The following PLCL1 variants were observed in gnomAD, a reference collection of about 807,000 sequenced individuals.
PLCL1 encodes the protein phospholipase C like 1 (inactive), also known as inactive phospholipase C-like protein 1.
In PLCL1, 41 loss-of-function variants were observed where a neutral mutation model predicts 84.4. That is an observed-to-expected ratio of 0.49 (90% CI 0.38 to 0.63). The LOEUF (loss-of-function observed/expected upper bound fraction) is 0.63. Ranked by LOEUF, PLCL1 falls within the 30% of genes least tolerant of loss-of-function variation. The pLI is 0.00. For synonymous variants in PLCL1, 490 were observed against 488.3 expected, an observed-to-expected ratio of 1.00 and a Z score of -0.05; for missense variants, 1,206 against 1,367.8, an observed-to-expected ratio of 0.88 and a Z score of 1.87.
chr2:197,911,879 G>A (rs1368164955), intron 1 of PLCL1, among the ~76,000 whole-genome samples: 1 of 152,194 alleles, frequency 6.6e-6, no homozygotes, highest in South Asian at 2.1e-4. Flanking sequence ...AAACATTCCC[G>A]ACCCCCTGGA....
chr2:197,921,351 T>C (rs1329575662), intron 1 of PLCL1, among the ~76,000 whole-genome samples: 1 of 152,128 alleles, frequency 6.6e-6, no homozygotes, highest in Non-Finnish European at 1.5e-5. Context: ...ACCTATGAAA[T>C]AGGAAAACAA....
chr2:197,961,055 A>G (rs1320324735), intron 1 of PLCL1, among the ~76,000 whole-genome samples: 4 of 152,066 alleles, frequency 2.6e-5, no homozygotes, highest in Admixed American at 2.0e-4. Context: ...AATAATCTCA[A>G]TCAATAATGG....
At chr2:198,045,573 A>G (rs186390754) in intron 1 of PLCL1, among the ~76,000 whole-genome samples, 132 of 152,286 alleles carry the variant, frequency 8.7e-4, no homozygotes, top group African/African-American at 3.0e-3. Flanking sequence ...AAAAGAAATA[A>G]TTGTTTTGCA....
intron 1 of PLCL1, among the ~76,000 whole-genome samples, chr2:197,951,144 G>A (rs1282878414): frequency 6.6e-6 from 1 of 152,136 alleles, no homozygotes; most frequent in African/African-American, 2.4e-5. Flanking sequence ...CCATGATTAA[G>A]TTTGGTGGAG....
intron 1 of PLCL1, among the ~76,000 whole-genome samples, chr2:197,888,856 A>C (rs966489186): frequency 2.0e-5 from 3 of 152,188 alleles, no homozygotes; most frequent in Non-Finnish European, 2.9e-5. Context: ...ATTAGAAATA[A>C]AAGATATGAT....
chr2:197,843,118 T>C (rs1687043979), intron 1 of PLCL1, among the ~76,000 whole-genome samples: 1 of 152,202 alleles, frequency 6.6e-6, no homozygotes, highest in Admixed American at 6.5e-5. Flanking sequence ...ATAGATTTCA[T>C]CTTATATGAC....
At chr2:197,928,020 G>T (rs1688865702) in intron 1 of PLCL1, among the ~76,000 whole-genome samples, 1 of 143,688 alleles carries the variant, frequency 7.0e-6, no homozygotes, top group East Asian at 2.3e-4. Context: ...ATTTTTAAAT[G>T]AAGTTTGATG....
intron 1 of PLCL1, among the ~76,000 whole-genome samples, chr2:198,057,272 C>A (rs530843053): frequency 6.6e-6 from 1 of 152,022 alleles, no homozygotes; most frequent in African/African-American, 2.4e-5. Context: ...GTCTGGGGAA[C>A]GAGGCATCCT....
At chr2:198,004,222 T>C (rs1458567744) in intron 1 of PLCL1, among the ~76,000 whole-genome samples, 2 of 152,166 alleles carry the variant, frequency 1.3e-5, no homozygotes, top group East Asian at 1.9e-4. Flanking sequence ...GGAAACTCAA[T>C]AGATCTTAAA....
intron 1 of PLCL1, among the ~76,000 whole-genome samples, chr2:197,895,777 C>T (rs1410149328): frequency 6.6e-6 from 1 of 151,816 alleles, no homozygotes; most frequent in Non-Finnish European, 1.5e-5. Flanking sequence ...TGAGAATCAA[C>T]ATTAACATGT....
intron 1 of PLCL1, among the ~76,000 whole-genome samples, chr2:197,998,009 C>T (rs950108526): frequency 3.9e-5 from 6 of 152,010 alleles, no homozygotes; most frequent in Non-Finnish European, 7.4e-5. Flanking sequence ...GCCAAGGGCT[C>T]AGAATTTGAT....
At chr2:197,882,980 G>A (rs1196546535) in intron 1 of PLCL1, among the ~76,000 whole-genome samples, 4 of 152,102 alleles carry the variant, frequency 2.6e-5, no homozygotes, top group African/African-American at 9.7e-5. Flanking sequence ...TTTACATCAG[G>A]TTCAAAAACA....
chr2:198,047,409 C>T (rs528362090), intron 1 of PLCL1, among the ~76,000 whole-genome samples: 22 of 152,104 alleles, frequency 1.4e-4, no homozygotes, highest in Non-Finnish European at 2.5e-4. Flanking sequence ...ATCTCAATCT[C>T]TTGATCTTGT....
At chr2:197,943,159 T>G (rs1689194878) in intron 1 of PLCL1, among the ~76,000 whole-genome samples, 1 of 141,528 alleles carries the variant, frequency 7.1e-6, no homozygotes, top group African/African-American at 2.7e-5. Flanking sequence ...ATTGTGCCAC[T>G]GCGCTCTAGT....
At chr2:198,133,525 A>G (rs1297531412) in intron 5 of PLCL1, among the ~76,000 whole-genome samples, 1 of 150,084 alleles carries the variant, frequency 6.7e-6, no homozygotes, top group Non-Finnish European at 1.5e-5. Context: ...TTAAAGTATA[A>G]TAAAAAAAAA....
chr2:197,921,421 T>G (rs1220763203), intron 1 of PLCL1, among the ~76,000 whole-genome samples: 1 of 152,192 alleles, frequency 6.6e-6, no homozygotes, highest in East Asian at 1.9e-4. Flanking sequence ...AAATTACTGG[T>G]TGTGGTAAGA....
At chr2:197,896,508 A>G (rs904530519) in intron 1 of PLCL1, among the ~76,000 whole-genome samples, 3 of 151,972 alleles carry the variant, frequency 2.0e-5, no homozygotes, top group Non-Finnish European at 4.4e-5. Context: ...TTATCCATAA[A>G]TATTTCAGCA....
intron 1 of PLCL1, among the ~76,000 whole-genome samples, chr2:198,030,391 C>T (rs1267281926): frequency 6.6e-6 from 1 of 152,070 alleles, no homozygotes; most frequent in African/African-American, 2.4e-5. Context: ...CACACTGTCA[C>T]CCCAAAATTT....
At chr2:197,942,600 G>C (rs1347816839) in intron 1 of PLCL1, among the ~76,000 whole-genome samples, 4 of 152,148 alleles carry the variant, frequency 2.6e-5, no homozygotes, top group Non-Finnish European at 5.9e-5. Context: ...GGTTTTTATT[G>C]ATCTTTTTTA....
Sources: gnomAD v4.1 joint callset for allele counts (sites outside exome capture counted in the v4.1 genomes callset) on GRCh38, gnomAD v4.1.1 for gene constraint, MANE v1.5 for transcripts, NCBI Gene and HGNC (gene_info 2026-07-23, HGNC 2026-07-21) for gene names.